The following PIK3R3 variants were observed in gnomAD, a reference collection of about 807,000 sequenced individuals.
PIK3R3 encodes the protein phosphatidylinositol 3-kinase regulatory subunit gamma.
Under a neutral mutation model 62.9 loss-of-function variants are expected in PIK3R3, and 64 were observed. The observed-to-expected ratio is 1.02, with a 90% CI of 0.83 to 1.25. PIK3R3 has a LOEUF of 1.25. Among genes scored for constraint, PIK3R3 ranks in the 50% most tolerant of loss-of-function variants. PIK3R3 has a pLI of 0.00. For synonymous variants in PIK3R3, 165 were observed against 189.0 expected (o/e 0.87, Z 1.04); for missense variants, 614 against 561.6 (o/e 1.09, Z -0.94).
intron 1 of PIK3R3, among the ~76,000 whole-genome samples, chr1:46,102,054 G>A (rs1314740715): frequency 7.9e-6 from 1 of 127,252 alleles, no homozygotes; most frequent in Non-Finnish European, 1.5e-5. Flanking sequence ...GCGCAATCTC[G>A]GCTCACTGCA....
chr1:46,065,778 C>T (rs1209668591), intron 5 of PIK3R3, among the ~76,000 whole-genome samples: 1 of 152,214 alleles, frequency 6.6e-6, no homozygotes, highest in Non-Finnish European at 1.5e-5. Flanking sequence ...TACCCTAACA[C>T]CCCTGTAGTG....
rs865842629 is a variant in PIK3R3, at chr1:46,126,257, G to A, written c.106+5590C>T. Among the ~76,000 whole-genome samples, 6 of 151,978 alleles carry A rather than the reference G, an allele frequency of 3.9e-5. No individual in the cohort carries two copies. The Middle Eastern group carries it at 0.01, about 258-fold the overall frequency. On this transcript the variant is annotated intron_variant, in intron 1 of 9. Transcript: ENST00000262741. Reference sequence around the variant, plus strand: ...ATGAGAATTTAAATGTCTTCTATTGGCCAGGCATGGTGGCTCACACCTATA... The same window carrying A: ...ATGAGAATTTAAATGTCTTCTATTGACCAGGCATGGTGGCTCACACCTATA...
intron 5 of PIK3R3, 25 bp downstream of exon 5, chr1:46,066,029 G>GA: frequency 6.3e-7 from 1 of 1,597,500 alleles, no homozygotes; most frequent in East Asian, 2.2e-5. Flanking sequence ...ACACATATTA[G>GA]TCAAAAACAA....
chr1:46,174,814 T>C, the PIK3R3 span, among the ~76,000 whole-genome samples: 1 of 152,174 alleles, frequency 6.6e-6, no homozygotes, highest in Non-Finnish European at 1.5e-5. Context: ...CCAGCTCAGC[T>C]GCCAGTTCTG....
chr1:46,133,769 G>A (rs1655821525), upstream of PIK3R3, among the ~76,000 whole-genome samples: 1 of 151,572 alleles, frequency 6.6e-6, no homozygotes, highest in African/African-American at 2.4e-5. Flanking sequence ...AAAATAGTGA[G>A]AGGTCTCAGC....
At chr1:46,147,646 C>T in the PIK3R3 span, among the ~76,000 whole-genome samples, 1 of 151,372 alleles carries the variant, frequency 6.6e-6, no homozygotes, top group African/African-American at 2.4e-5. Context: ...GTCTCGATCT[C>T]GATCTCCTGA....
chr1:46,078,333 T>C (rs1194979879), intron 2 of PIK3R3, among the ~76,000 whole-genome samples: 1 of 152,146 alleles, frequency 6.6e-6, no homozygotes, highest in Non-Finnish European at 1.5e-5. Context: ...AGGTCACGGG[T>C]TCGAGACCAA....
chr1:46,063,832 CAT>C (rs1197192767), intron 5 of PIK3R3, among the ~76,000 whole-genome samples: 2 of 152,136 alleles, frequency 1.3e-5, no homozygotes, highest in African/African-American at 4.8e-5. Context: ...TTCTTAGCAG[CAT>C]ATAAACAAGC....
At chr1:46,046,654 ATCC>A in intron 7 of PIK3R3, 29 bp from the exon 8 acceptor site, 1 of 1,515,670 alleles carries the variant, frequency 6.6e-7, no homozygotes, top group South Asian at 1.1e-5. Flanking sequence ...CAGTGTCAGT[ATCC>A]ATGCAAACTC....
the PIK3R3 span, among the ~76,000 whole-genome samples, chr1:46,163,869 C>T: frequency 2.6e-5 from 4 of 152,236 alleles, no homozygotes; most frequent in African/African-American, 9.6e-5. Context: ...CTGTCCCCCT[C>T]CTTGGATTCT....
intron 7 of PIK3R3, among the ~76,000 whole-genome samples, chr1:46,047,786 T>C (rs1050765352): frequency 6.6e-6 from 1 of 152,052 alleles, no homozygotes; most frequent in Non-Finnish European, 1.5e-5. Context: ...GGTTGGTTGG[T>C]TGGGGTTTTT....
the PIK3R3 span, among the ~76,000 whole-genome samples, chr1:46,169,983 C>T: frequency 1.3e-5 from 2 of 152,326 alleles, no homozygotes; most frequent in Admixed American, 1.3e-4. Flanking sequence ...GTGCTCTCCA[C>T]AGGGTCCTCT....
intron 1 of PIK3R3, among the ~76,000 whole-genome samples, chr1:46,128,204 G>A (rs930127331): frequency 1.2e-4 from 19 of 152,152 alleles, no homozygotes; most frequent in African/African-American, 4.6e-4. Flanking sequence ...GGAGTCCGAG[G>A]TGGGCAGATC....
the PIK3R3 span, among the ~76,000 whole-genome samples, chr1:46,161,300 G>A: frequency 3.5e-5 from 5 of 143,288 alleles, no homozygotes; most frequent in Non-Finnish European, 6.0e-5. Flanking sequence ...GTCTCACTAT[G>A]TTGCCTAGGC....
intron 1 of PIK3R3, chr1:46,104,938 A>AC: frequency 3.8e-6 from 2 of 526,670 alleles, no homozygotes; most frequent in South Asian, 2.1e-5. Flanking sequence ...AAAAAAAAAA[A>AC]AAAAAAAAAA....
chr1:46,042,848 G>GA lies in PIK3R3; in HGVS notation c.*824dup. The GA allele has an allele frequency of 5.1e-6, 1 of 197,536 alleles. No homozygotes were observed. Among genetic ancestry groups the GA allele is most frequent in the East Asian group, 8.0e-5 (1 of 12,554 alleles). 12.2% of individuals were successfully genotyped at this position (197,536 alleles called of 1,614,324 possible). On this transcript the variant is annotated 3_prime_UTR_variant, in exon 10 of 10. Coordinates refer to ENST00000262741, the MANE Select transcript of PIK3R3 (RefSeq NM_003629.4). The surrounding 1 kb of genome is among the most constrained non-coding windows in gnomAD (Gnocchi z 4.3). ...AAAGAATGCTATTCCTCATCTCAGA[G>GA]AAACAGGCAGGAAGGACAGAAGGGG...
Position 46,059,036 on chromosome 1 carries a change from G to A in PIK3R3, c.764+2893C>T, listed in dbSNP as rs116264388. ...GGTGAAACAACTGAATCATGGAGGC[G>A]GTTTCCCCACTACTGTTCTCATTGT... On this transcript the variant is annotated intron_variant, in intron 6 of 9. Coordinates refer to ENST00000262741, the MANE Select transcript of PIK3R3 (RefSeq NM_003629.4). Among the ~76,000 whole-genome samples, 559 of 152,284 alleles carry A rather than the reference G, an allele frequency of 3.7e-3. 4 individuals carry two copies. The highest frequency in any genetic ancestry group is 0.017 in the East Asian group (88 of 5,188).
chr1:46,105,481 G>A (rs1653116802), intron 1 of PIK3R3, among the ~76,000 whole-genome samples: 1 of 150,660 alleles, frequency 6.6e-6, no homozygotes, highest in Non-Finnish European at 1.5e-5. Flanking sequence ...TCCAGCCTGG[G>A]TGACAGAGTG....
rs536170099 is a variant in PIK3R3, at chr1:46,105,270, G to A, written c.107-24520C>T. 2.1e-4 allele frequency: 62 copies of A among 295,134 alleles called. No individual in the cohort carries two copies. The South Asian group carries it at 4.4e-3, about 21-fold the overall frequency. 18.3% of individuals were successfully genotyped at this position (295,134 alleles called of 1,614,324 possible). A position where few individuals can be genotyped will look rare whatever the true frequency, so the allele number is the denominator to read the frequency against. ...TGTAATCCCAGAACTTTGGGAGGCC[G>A]AGGAGGGCAGATCACGAGGTCAAGT... On this transcript the variant is annotated intron_variant, in intron 1 of 9. Coordinates refer to ENST00000262741, the MANE Select transcript of PIK3R3 (RefSeq NM_003629.4).
Sources: allele counts gnomAD v4.1 joint callset (sites outside exome capture counted in the v4.1 genomes callset), GRCh38; gene constraint gnomAD v4.1.1; non-coding constraint Gnocchi (gnomAD v3.1); transcripts MANE v1.5; gene names NCBI Gene and HGNC (gene_info 2026-07-23, HGNC 2026-07-21).